The following CASS4 variants were observed in gnomAD, a reference collection of about 807,000 sequenced individuals.
The protein encoded by CASS4 is Cas scaffold protein family member 4, also known as cas scaffolding protein family member 4.
CASS4 carries 22 observed loss-of-function variants against 54.2 expected under a neutral mutation model. The observed-to-expected ratio is 0.41, with a 90% CI of 0.29 to 0.58. CASS4 has a LOEUF of 0.58. CASS4 is among the 20% of genes least tolerant of loss of function. The pLI, the probability that CASS4 is intolerant of heterozygous loss-of-function variation, is 0.36. For missense variants in CASS4, 854 were observed against 986.7 expected, an observed-to-expected ratio of 0.87 and a Z score of 1.80; for synonymous variants, 409 against 391.5, an observed-to-expected ratio of 1.04 and a Z score of -0.53.
At chr20:56,435,315 G>C (rs1307273195) in intron 1 of CASS4, among the ~76,000 whole-genome samples, 1 of 56,102 alleles carries the variant, frequency 1.8e-5, no homozygotes, top group Non-Finnish European at 2.9e-5. Context: ...ATTTATGAAA[G>C]TATGAACAAA....
Position 56,458,632 on chromosome 20 carries a change from T to A in CASS4, c.2246T>A (p.Leu749Gln). ...HLCSLLKDVA[L>Q]ATKNAVLTYP... is the part of the protein sequence containing the mutation. ...TGCAGCCTGCTCAAGGACGTAGCGC[T>A]GGCCACTAAGAATGCCGTGCTCACG... is the stretch of plus-strand genomic sequence containing the variant. The change falls in exon 6 of 6, where the codon CTG (leucine) becomes CAG (glutamine). Residue 749 changes from leucine to glutamine, a missense_variant. Transcript: ENST00000679887. The A allele has an allele frequency of 6.2e-7, 1 of 1,613,800 alleles. No individual in the cohort carries two copies. Among genetic ancestry groups the A allele is most frequent in the Non-Finnish European group, 8.5e-7 (1 of 1,179,946 alleles).
intron 4 of CASS4, among the ~76,000 whole-genome samples, chr20:56,450,970 A>T (rs1980968528): frequency 6.6e-6 from 1 of 151,952 alleles, no homozygotes; most frequent in African/African-American, 2.4e-5. Context: ...GGAGTTCAAG[A>T]CCAGTCTGCC....
chr20:56,458,602 A>G lies in CASS4; in HGVS notation c.2216A>G (p.His739Arg). ...VRNEILRGSSHLCSLLKDVAL... is the reference protein window; with the variant it reads ...VRNEILRGSSRLCSLLKDVAL... ...AACGAGATCCTCCGTGGCAGCAGTC[A>G]CCTCTGCAGCCTGCTCAAGGACGTA... The change falls in exon 6 of 6, where the codon CAC (histidine) becomes CGC (arginine). Residue 739 changes from histidine (H) to arginine (R), a missense_variant. Coordinates refer to ENST00000679887, the MANE Select transcript of CASS4 (RefSeq NM_020356.4). 6.2e-7 allele frequency: 1 copy of G among 1,613,908 alleles called. No homozygotes were observed. Among genetic ancestry groups the G allele is most frequent in the Non-Finnish European group, 8.5e-7 (1 of 1,179,938 alleles).
At position 56,453,010 on chromosome 20, in the gene CASS4, A is replaced by G. The variant is rs201359000; in HGVS notation, c.1834A>G (p.Ile612Val). 6.2e-7 allele frequency: 1 copy of G among 1,614,126 alleles called. No homozygotes were observed. The highest frequency in any genetic ancestry group is 2.2e-5 in the East Asian group (1 of 44,866). Residue 612 changes from isoleucine (I) to valine (V), a missense_variant, in exon 5 of 6, where the codon ATC becomes GTC. Ile to Val is a conservative substitution (Grantham distance 29). Transcript: ENST00000679887. Reference sequence around the variant, plus strand: ...TGCAGAATTTAAGTGTGAAAAATACATCCAGCCTCCCCAAAGAGAAACTGA... The same window carrying G: ...TGCAGAATTTAAGTGTGAAAAATACGTCCAGCCTCCCCAAAGAGAAACTGA... ...PNAEFKCEKY[I>V]QPPQRETESH...
rs1349183483 is a variant in CASS4 at position 56,449,915 on chromosome 20, G to C, written c.562-684G>C. Among the ~76,000 whole-genome samples the C allele has an allele frequency of 3.3e-5, 5 of 152,026 alleles. No individual in the cohort carries two copies. The South Asian group carries it at 6.2e-4, about 19-fold the overall frequency. Reference sequence around the variant, plus strand: ...AAGAAAGAAGACATATTAGGTCTCAGTCTCATTTATCCTCTGGCTTAATTT... The same window carrying C: ...AAGAAAGAAGACATATTAGGTCTCACTCTCATTTATCCTCTGGCTTAATTT... On this transcript the variant is annotated intron_variant, in intron 3 of 5. Coordinates refer to ENST00000679887, the MANE Select transcript of CASS4 (RefSeq NM_020356.4).
chr20:56,439,429 G>T (rs1268253673), intron 2 of CASS4, among the ~76,000 whole-genome samples: 1 of 151,906 alleles, frequency 6.6e-6, no homozygotes, highest in East Asian at 2.0e-4. Context: ...CCAGCAGTTT[G>T]GGAGGCCAAG....
Position 56,412,633 on chromosome 20 carries a change from A to G in CASS4, c.36+139A>G. ...TGTGAGTTGGAGATGGGAAAGTTTAACATAAGTTTAAGTGTGGGAAATAGA... is the reference window on the plus strand; with the variant it reads ...TGTGAGTTGGAGATGGGAAAGTTTAGCATAAGTTTAAGTGTGGGAAATAGA... On this transcript the variant is annotated intron_variant, in intron 1 of 5. Coordinates refer to ENST00000679887, the MANE Select transcript of CASS4 (RefSeq NM_020356.4). This position sits in a 1 kb window ranked among gnomAD's most constrained non-coding sequence, Gnocchi z 4.2. 1.2e-6 allele frequency: 1 copy of G among 868,968 alleles called. No homozygotes were observed. Among genetic ancestry groups the G allele is most frequent in the Non-Finnish European group, 1.8e-6 (1 of 553,386 alleles). The allele number at this position is 868,968 out of a possible 1,614,324, so 53.8% of individuals were successfully genotyped here.
At chr20:56,425,011 C>T (rs1979572880) in intron 1 of CASS4, among the ~76,000 whole-genome samples, 1 of 152,312 alleles carries the variant, frequency 6.6e-6, no homozygotes, top group African/African-American at 2.4e-5. Flanking sequence ...TTTTCCCCAA[C>T]ATCACACACA....
chr20:56,436,548 C>T (rs1359346109), intron 1 of CASS4, among the ~76,000 whole-genome samples: 2 of 151,942 alleles, frequency 1.3e-5, no homozygotes, highest in African/African-American at 4.8e-5. Flanking sequence ...GAAACTGAGG[C>T]TCTAATAGGG....
chr20:56,423,332 T>C (rs1979497022), intron 1 of CASS4, among the ~76,000 whole-genome samples: 1 of 152,198 alleles, frequency 6.6e-6, no homozygotes, highest in Non-Finnish European at 1.5e-5. Flanking sequence ...GAGTTGACTA[T>C]ATAAAGGGGT....
chr20:56,417,496 A>G (rs550131371), intron 1 of CASS4, among the ~76,000 whole-genome samples: 124 of 152,294 alleles, frequency 8.1e-4, no homozygotes, highest in African/African-American at 2.9e-3. Flanking sequence ...ACCTTCACTT[A>G]TTAAGATCTG....
In CASS4 at chr20:56,414,672, C is replaced by T. The variant is rs150241415; in HGVS notation, c.36+2178C>T. 7.1e-3 allele frequency among the ~76,000 whole-genome samples: 1,083 copies of T among 152,098 alleles called. 18 individuals carry two copies. Among genetic ancestry groups the T allele is most frequent in the African/African-American group, 0.025 (1,032 of 41,478 alleles). ...TGCTATTAATATTATACAGATAGGC[C>T]GGGAGCGGTGGCTCATGCCTGTAAT... On this transcript the variant is annotated intron_variant, in intron 1 of 5. Coordinates refer to ENST00000679887, the MANE Select transcript of CASS4 (RefSeq NM_020356.4). This position sits in a 1 kb window ranked among gnomAD's most constrained non-coding sequence, Gnocchi z 4.1.
rs112730552 is a variant in CASS4 at position 56,452,408 on chromosome 20, C to G, written c.1232C>G (p.Ser411Cys). The G allele has an allele frequency of 2.1e-4, 332 of 1,614,054 alleles. 1 individual carries two copies. In the African/African-American group the frequency reaches 4.0e-3, roughly 20 times the overall value. The change falls in exon 5 of 6, where the codon TCC becomes TGC. Residue 411 changes from serine (S) to cysteine (C), a missense_variant. Coordinates refer to ENST00000679887, the MANE Select transcript of CASS4 (RefSeq NM_020356.4). ...SSSDSRASIV[S>C]SCSTTSTDDS... is the part of the protein sequence containing the mutation. ...TCTGACAGCAGAGCTAGCATCGTTT[C>G]CTCGTGCTCCACCACATCCACCGAC...
chr20:56,421,375 C>T (rs1979404127), intron 1 of CASS4, among the ~76,000 whole-genome samples: 1 of 152,170 alleles, frequency 6.6e-6, no homozygotes, highest in African/African-American at 2.4e-5. Flanking sequence ...AGGAAGCAGG[C>T]AGTTGCTAGA....
intron 2 of CASS4, among the ~76,000 whole-genome samples, chr20:56,444,827 G>A (rs932194407): frequency 5.9e-5 from 9 of 152,094 alleles, no homozygotes; most frequent in African/African-American, 1.7e-4. Context: ...AATATAAATC[G>A]GGGCCAGGCG....
chr20:56,434,839 G>C (rs1237446280), intron 1 of CASS4, among the ~76,000 whole-genome samples: 3 of 152,020 alleles, frequency 2.0e-5, no homozygotes, highest in Admixed American at 2.0e-4. Context: ...GATGACTCTA[G>C]GTGTGTATGT....
chr20:56,429,750 C>G (rs534219150), intron 1 of CASS4, among the ~76,000 whole-genome samples: 1 of 152,246 alleles, frequency 6.6e-6, no homozygotes, highest in Admixed American at 6.5e-5. Context: ...TCCTCCTTAC[C>G]CCCAGATGGA....
rs1167744495 is a variant in CASS4 at position 56,412,505 on chromosome 20, T to G, written c.36+11T>G. ...GACTGTGCGCCCAAGGTGAGTGATG[T>G]GGGGCTGTTTGAATGGGCTCTGGCG... On this transcript the variant is annotated intron_variant, in intron 1 of 5. Transcript: ENST00000679887. The surrounding 1 kb of genome is among the most constrained non-coding windows in gnomAD (Gnocchi z 4.2). The G allele has an allele frequency of 2.5e-6, 4 of 1,611,294 alleles. No individual in the cohort carries two copies. The highest frequency in any genetic ancestry group is 2.2e-5 in the South Asian group (2 of 90,362).
intron 1 of CASS4, among the ~76,000 whole-genome samples, chr20:56,432,573 G>C (rs1467283933): frequency 1.3e-5 from 2 of 151,892 alleles, no homozygotes; most frequent in East Asian, 3.9e-4. Flanking sequence ...TCACCATGTT[G>C]GCCAGGCTGG....
Sources: allele counts gnomAD v4.1 joint callset (sites outside exome capture counted in the v4.1 genomes callset), GRCh38; gene constraint gnomAD v4.1.1; non-coding constraint Gnocchi (gnomAD v3.1); transcripts MANE v1.5; gene names NCBI Gene and HGNC (gene_info 2026-07-23, HGNC 2026-07-21).